Variants in DLX6 observed in about 807,000 individuals in gnomAD.
The protein encoded by DLX6 is distal-less homeobox 6, also known as homeobox protein DLX-6.
A neutral mutation model predicts 33.5 loss-of-function variants in DLX6; 4 were observed. The ratio of observed to expected loss-of-function variants is 0.12; its 90% CI spans 0.06 to 0.27. The LOEUF is 0.27. DLX6 is among the 10% of genes least tolerant of loss of function. DLX6 has a pLI of 1.00. For missense variants in DLX6, 382 were observed against 393.3 expected (o/e 0.97, Z 0.24); for synonymous variants, 184 against 164.8 (o/e 1.12, Z -0.89).
Position 97,010,151 on chromosome 7 carries a change from C to A in DLX6, c.*104C>A. 1 of 1,391,392 alleles carries A rather than the reference C, an allele frequency of 7.2e-7. No homozygotes were observed. Among genetic ancestry groups the A allele is most frequent in the South Asian group, 1.5e-5 (1 of 65,632 alleles). The allele number at this position is 1,391,392 out of a possible 1,614,324, so 86.2% of individuals were successfully genotyped here. A position where few individuals can be genotyped will look rare whatever the true frequency, so the allele number is the denominator to read the frequency against. On this transcript the variant is annotated 3_prime_UTR_variant, in exon 3 of 3. Transcript: ENST00000518156. ...AGCCAAAGGAGCAGGCTTAGGAGAG[C>A]TCATAAGTGTGGCAAGAAGCCGACT...
At chr7:97,006,529 CGCGCGCCCTTGGCCGGGCCCCGT>C (rs1344304128) in intron 1 of DLX6, 116 bp downstream of exon 1, 205 of 1,135,148 alleles carry the variant, frequency 1.8e-4, no homozygotes, top group East Asian at 6.1e-4. Context: ...CAGGCGGCCC[CGCGCGCCCTTGGCCGGGCCCCGT>C]GCGCGCCCGC....
At chr7:97,007,482 GGGCAGAGT>G (rs1364211887) in intron 1 of DLX6, 148 bp from the exon 2 acceptor site, 1 of 719,884 alleles carries the variant, frequency 1.4e-6, no homozygotes, top group Non-Finnish European at 2.5e-6. Context: ...GGGAGCACAC[GGGCAGAGT>G]GGACCAAGAG....
intron 2 of DLX6, among the ~76,000 whole-genome samples, chr7:97,008,623 C>T (rs1300834866): frequency 6.6e-6 from 1 of 152,056 alleles, no homozygotes; most frequent in Non-Finnish European, 1.5e-5. Context: ...ATATTAGGAC[C>T]CTGGTCAAAA....
At position 97,010,144 on chromosome 7, in the gene DLX6, A is replaced by G; in HGVS notation, c.*97A>G. ...GAAAAGGAGCCAAAGGAGCAGGCTT[A>G]GGAGAGCTCATAAGTGTGGCAAGAA... On this transcript the variant is annotated 3_prime_UTR_variant, in exon 3 of 3. Coordinates refer to ENST00000518156, the MANE Select transcript of DLX6 (RefSeq NM_005222.4). 1 of 1,442,624 alleles carries G rather than the reference A, an allele frequency of 6.9e-7. No homozygotes were observed. Among genetic ancestry groups the G allele is most frequent in the Non-Finnish European group, 9.3e-7 (1 of 1,075,462 alleles). 89.4% of individuals were successfully genotyped at this position (1,442,624 alleles called of 1,614,324 possible). A position where few individuals can be genotyped will look rare whatever the true frequency, so the allele number is the denominator to read the frequency against.
At chr7:97,006,561 G>C in intron 1 of DLX6, 148 bp downstream of exon 1, 1 of 751,688 alleles carries the variant, frequency 1.3e-6, no homozygotes, top group Non-Finnish European at 1.7e-6. Flanking sequence ...GTGCGCGCCC[G>C]CTCGCCTGGC....
chr7:97,006,004 C>T lies in DLX6; in HGVS notation c.27C>T (p.Asp9=). ...TGATGACCATGACTACGATGGCTGA[C>T]GGCTTGGAAGGCCAGGACTCGTCCA... MMTMTTMA[D]GLEGQDSSKS... Residue 9 remains aspartate (D), a synonymous_variant, in exon 1 of 3, where the codon GAC becomes GAT. Coordinates refer to ENST00000518156, the MANE Select transcript of DLX6 (RefSeq NM_005222.4). The T allele has an allele frequency of 6.3e-7, 1 of 1,596,960 alleles. No homozygotes were observed. The highest frequency in any genetic ancestry group is 8.5e-7 in the Non-Finnish European group (1 of 1,171,952).
intron 2 of DLX6, among the ~76,000 whole-genome samples, chr7:97,008,355 G>A (rs2115872925): frequency 6.6e-6 from 1 of 152,344 alleles, no homozygotes; most frequent in East Asian, 1.9e-4. Flanking sequence ...TATCCTAGGA[G>A]TGTCAAGGTG....
At chr7:97,006,977 G>A (rs1015922157) in intron 1 of DLX6, 3 of 155,396 alleles carry the variant, frequency 1.9e-5, no homozygotes, top group African/African-American at 4.8e-5. Flanking sequence ...ATCCCTGACC[G>A]GGCCCCCTAT....
chr7:97,009,137 G>A (rs561531951), intron 2 of DLX6, among the ~76,000 whole-genome samples: 1 of 152,230 alleles, frequency 6.6e-6, no homozygotes, highest in Non-Finnish European at 1.5e-5. Flanking sequence ...TGAAGGAGCT[G>A]CAGTCCTTAA....
intron 1 of DLX6, 32 bp downstream of exon 1, chr7:97,006,445 C>T: frequency 2.3e-6 from 3 of 1,286,576 alleles, no homozygotes; most frequent in South Asian, 5.9e-5. Flanking sequence ...TCGCTTCTCC[C>T]GCCTCCCGAC....
rs780376081 is a variant in DLX6, at chr7:97,006,066, A to G, written c.89A>G (p.Gln30Arg). 5.3e-5 allele frequency: 83 copies of G among 1,577,928 alleles called. No individual in the cohort carries two copies. The highest frequency in any genetic ancestry group is 1.7e-4 in the Middle Eastern group (1 of 6,022). ...AFMEFGQQQQQQQQQQQQQQQ... is the reference protein window; with the variant it reads ...AFMEFGQQQQRQQQQQQQQQQ... ...ATGGAGTTCGGGCAGCAGCAGCAGC[A>G]GCAGCAGCAACAGCAGCAGCAGCAG... The change falls in exon 1 of 3, where the codon CAG becomes CGG. Residue 30 changes from glutamine to arginine, a missense_variant. By Grantham distance (43) the Gln-to-Arg change is conservative. Around this residue, in one of 4 missense-constraint regions of DLX6, gnomAD observed 257 missense variants for 206.9 expected, o/e 1.24. Transcript: ENST00000518156.
Position 97,007,703 on chromosome 7 carries a change from C to A in DLX6, c.502C>A (p.Arg168=). 2 of 1,612,378 alleles carry A rather than the reference C, an allele frequency of 1.2e-6. No individual in the cohort carries two copies. Among genetic ancestry groups the A allele is most frequent in the Non-Finnish European group, 1.7e-6 (2 of 1,179,220 alleles). The change falls in exon 2 of 3, where the codon CGG becomes AGG. Residue 168 remains arginine (R), a synonymous_variant. Coordinates refer to ENST00000518156, the MANE Select transcript of DLX6 (RefSeq NM_005222.4). ...IRFNGKGKKI[R]KPRTIYSSLQ... ...GTTCAATGGAAAAGGGAAAAAGATT[C>A]GGAAGCCTCGGACCATTTATTCCAG...
chr7:97,009,652 G>C, intron 2 of DLX6, 144 bp from the exon 3 acceptor site: 1 of 1,174,880 alleles, frequency 8.5e-7, no homozygotes, highest in East Asian at 2.4e-5. Flanking sequence ...GGAAGGAGGC[G>C]GGGACTTGGC....
At position 97,006,018 on chromosome 7, in the gene DLX6, A is replaced by G. The variant is rs1199188687; in HGVS notation, c.41A>G (p.Gln14Arg). The change falls in exon 1 of 3, where the codon CAG becomes CGG. Residue 14 changes from glutamine (Q) to arginine (R), a missense_variant. Coordinates refer to ENST00000518156, the MANE Select transcript of DLX6 (RefSeq NM_005222.4). ...MTTMADGLEG[Q>R]DSSKSAFMEF... Reference sequence around the variant, plus strand: ...ACGATGGCTGACGGCTTGGAAGGCCAGGACTCGTCCAAATCCGCCTTCATG... The same window carrying G: ...ACGATGGCTGACGGCTTGGAAGGCCGGGACTCGTCCAAATCCGCCTTCATG... 2 of 1,599,368 alleles carry G rather than the reference A, an allele frequency of 1.3e-6. No individual in the cohort carries two copies. The highest frequency in any genetic ancestry group is 1.1e-5 in the South Asian group (1 of 88,444).
rs1657905486 is a variant in DLX6, at chr7:97,006,265, C to T, written c.288C>T (p.His96=). The change falls in exon 1 of 3, where the codon CAC becomes CAT. Residue 96 remains histidine (H), a synonymous_variant. Transcript: ENST00000518156. Reference sequence around the variant, plus strand: ...ACCACCACCACCAGCACCACCACCACGGCTCGCCCTACGCGTCGGGCGGAG... The same window carrying T: ...ACCACCACCACCAGCACCACCACCATGGCTCGCCCTACGCGTCGGGCGGAG... The part of the protein sequence containing the change: ...HHHHHHQHHH[H]GSPYASGGGN... 1 of 1,527,266 alleles carries T rather than the reference C, an allele frequency of 6.5e-7. No individual in the cohort carries two copies. The highest frequency in any genetic ancestry group is 8.8e-7 in the Non-Finnish European group (1 of 1,135,138). 94.6% of individuals were successfully genotyped at this position (1,527,266 alleles called of 1,614,324 possible).
rs747135478 is a variant in DLX6, at chr7:97,006,573, C to T, written c.436+160C>T. 438 of 622,102 alleles carry T rather than the reference C, an allele frequency of 7.0e-4. 1 individual carries two copies. The highest frequency in any genetic ancestry group is 8.3e-4 in the Non-Finnish European group (387 of 467,038). The allele number at this position is 622,102 out of a possible 1,614,324, so 38.5% of individuals were successfully genotyped here. A position where few individuals can be genotyped will look rare whatever the true frequency, so the allele number is the denominator to read the frequency against. On this transcript the variant is annotated intron_variant, in intron 1 of 2. Transcript: ENST00000518156. The stretch of plus-strand genomic sequence containing the variant: ...CCCGTGCGCGCCCGCTCGCCTGGCG[C>T]CTGCCTGCCGGCCTCTCCCAGCCGG...
At chr7:97,007,544 G>C (rs1160090034) in intron 1 of DLX6, 94 bp from the exon 2 acceptor site, 2 of 1,209,406 alleles carry the variant, frequency 1.7e-6, no homozygotes, top group African/African-American at 1.5e-5. Context: ...CCCTTATTGG[G>C]CTTTGGGGAG....
chr7:97,010,296 C>T lies in DLX6; in HGVS notation c.*249C>T. On this transcript the variant is annotated 3_prime_UTR_variant, in exon 3 of 3. Transcript: ENST00000518156. ...CCTTTCTTTTCTTTTTGCCTTTCAC[C>T]TTTTTTCTCATTTACCTTCTCTCTT... 1 of 471,160 alleles carries T rather than the reference C, an allele frequency of 2.1e-6. No individual in the cohort carries two copies. Among genetic ancestry groups the T allele is most frequent in the Non-Finnish European group, 3.7e-6 (1 of 269,010 alleles). The allele number at this position is 471,160 out of a possible 1,614,324, so 29.2% of individuals were successfully genotyped here.
At position 97,010,192 on chromosome 7, in the gene DLX6, C is replaced by A; in HGVS notation, c.*145C>A. Reference sequence around the variant, plus strand: ...GAAGCCGACTAGGCTCATTCTCTCTCCCTCTCTCTCTCTCTCCCTCTCCTT... The same window carrying A: ...GAAGCCGACTAGGCTCATTCTCTCTACCTCTCTCTCTCTCTCCCTCTCCTT... On this transcript the variant is annotated 3_prime_UTR_variant, in exon 3 of 3. Coordinates refer to ENST00000518156, the MANE Select transcript of DLX6 (RefSeq NM_005222.4). 1.2e-6 allele frequency: 1 copy of A among 861,238 alleles called. No homozygotes were observed. The highest frequency in any genetic ancestry group is 1.7e-6 in the Non-Finnish European group (1 of 583,084). The allele number at this position is 861,238 out of a possible 1,614,324, so 53.3% of individuals were successfully genotyped here. A position where few individuals can be genotyped will look rare whatever the true frequency, so the allele number is the denominator to read the frequency against.
Sources: gnomAD v4.1 joint callset for allele counts (sites outside exome capture counted in the v4.1 genomes callset) on GRCh38, gnomAD v4.1.1 for gene constraint, gnomAD v4.1.1 regional missense constraint, MANE v1.5 for transcripts, NCBI Gene and HGNC (gene_info 2026-07-23, HGNC 2026-07-21) for gene names.